TENM3: variants seen among roughly 807,000 people sequenced by gnomAD.
TENM3 encodes the protein teneurin-3.
TENM3 carries 63 observed loss-of-function variants against 255.1 expected under a neutral mutation model. The observed-to-expected ratio is 0.25, with a 90% CI of 0.20 to 0.30. The LOEUF (loss-of-function observed/expected upper bound fraction) is 0.30. TENM3 is among the 10% of genes least tolerant of loss of function. TENM3 has a pLI of 1.00. For synonymous variants in TENM3, 1,306 were observed against 1,322.3 expected, an observed-to-expected ratio of 0.99 and a Z score of 0.27; for missense variants, 2,929 against 3,461.1, an observed-to-expected ratio of 0.85 and a Z score of 3.86.
At chr4:181,588,621 TA>T in the TENM3 span, among the ~76,000 whole-genome samples, 858 of 152,280 alleles carry the variant, frequency 5.6e-3, 11 homozygotes, top group African/African-American at 0.02. Context: ...CTTTGAGAAA[TA>T]ACTATGGGAT....
chr4:182,222,893 G>T (rs768688828), intron 1 of TENM3, among the ~76,000 whole-genome samples: 1 of 152,144 alleles, frequency 6.6e-6, no homozygotes, highest in Non-Finnish European at 1.5e-5. Context: ...GTCCTATCCC[G>T]TTGTAAGACA....
At chr4:181,611,574 G>C in the TENM3 span, among the ~76,000 whole-genome samples, 1,435 of 152,020 alleles carry the variant, frequency 9.4e-3, 7 homozygotes, top group Non-Finnish European at 0.014. Context: ...ACACGATACG[G>C]AGTCTGTTTG....
chr4:181,989,707 T>C, the TENM3 span, among the ~76,000 whole-genome samples: 1 of 152,188 alleles, frequency 6.6e-6, no homozygotes, highest in Non-Finnish European at 1.5e-5. Context: ...ACTGTTCTGA[T>C]CATTAGTGAT....
intron 1 of TENM3, among the ~76,000 whole-genome samples, chr4:182,281,028 C>T (rs533487399): frequency 7.2e-5 from 11 of 152,242 alleles, no homozygotes; most frequent in African/African-American, 1.9e-4. Flanking sequence ...GCTCATCTGT[C>T]GGGTAATTTC....
intron 10 of TENM3, among the ~76,000 whole-genome samples, chr4:182,681,539 A>G (rs1756177323): frequency 6.6e-6 from 1 of 152,200 alleles, no homozygotes; most frequent in South Asian, 2.1e-4. Flanking sequence ...CAGAACAGAG[A>G]GCAATAGTCT....
chr4:182,290,614 T>C (rs1761056890), intron 1 of TENM3, among the ~76,000 whole-genome samples: 1 of 150,432 alleles, frequency 6.6e-6, no homozygotes, highest in Non-Finnish European at 1.5e-5. Flanking sequence ...GACATCCTCC[T>C]GCCTCAGCCT....
the TENM3 span, among the ~76,000 whole-genome samples, chr4:181,857,372 G>A: frequency 6.6e-6 from 1 of 151,676 alleles, no homozygotes; most frequent in African/African-American, 2.4e-5. Flanking sequence ...GTGGACCAGG[G>A]GAGGGGTGGA....
chr4:181,807,785 C>T, the TENM3 span, among the ~76,000 whole-genome samples: 1 of 152,200 alleles, frequency 6.6e-6, no homozygotes, highest in Non-Finnish European at 1.5e-5. Flanking sequence ...GTTAAAGTTA[C>T]ATGATGTGAA....
the TENM3 span, among the ~76,000 whole-genome samples, chr4:181,898,760 A>T: frequency 2.0e-5 from 3 of 152,086 alleles, no homozygotes; most frequent in African/African-American, 7.2e-5. Context: ...TGTGTGTGTG[A>T]TTCCAAGGGC....
At chr4:182,083,370 C>T in the TENM3 span, among the ~76,000 whole-genome samples, 5 of 152,136 alleles carry the variant, frequency 3.3e-5, no homozygotes, top group Admixed American at 1.3e-4. Context: ...GCTGGTTACT[C>T]TCTTATATCT....
chr4:182,733,975 GTTCA>G (rs147669308), intron 16 of TENM3, among the ~76,000 whole-genome samples: 4 of 151,996 alleles, frequency 2.6e-5, no homozygotes, highest in Admixed American at 2.0e-4. Flanking sequence ...TTCTCCATTC[GTTCA>G]TTCATTCATT....
chr4:182,636,113 G>A (rs1245209376), intron 5 of TENM3, among the ~76,000 whole-genome samples: 1 of 152,164 alleles, frequency 6.6e-6, no homozygotes, highest in African/African-American at 2.4e-5. Flanking sequence ...TTCACTCTGA[G>A]TTGCATTATA....
the TENM3 span, among the ~76,000 whole-genome samples, chr4:181,979,498 T>A: frequency 6.6e-6 from 1 of 152,048 alleles, no homozygotes; most frequent in African/African-American, 2.4e-5. Flanking sequence ...GTAAGGTATA[T>A]ATAAAGTGAA....
At chr4:181,941,565 C>T in the TENM3 span, among the ~76,000 whole-genome samples, 27 of 152,220 alleles carry the variant, frequency 1.8e-4, no homozygotes, top group East Asian at 3.9e-3. Flanking sequence ...TTTGTTTTAT[C>T]GCTTTAGTTA....
At chr4:182,485,586 A>G (rs554221927) in intron 3 of TENM3, among the ~76,000 whole-genome samples, 4 of 152,246 alleles carry the variant, frequency 2.6e-5, no homozygotes, top group Admixed American at 2.6e-4. Context: ...ATTTTTCAAT[A>G]TTTGATACTT....
chr4:181,889,819 G>A, the TENM3 span, among the ~76,000 whole-genome samples: 1 of 152,122 alleles, frequency 6.6e-6, no homozygotes, highest in Non-Finnish European at 1.5e-5. Flanking sequence ...CTATACTCCA[G>A]TATAAAATAA....
the TENM3 span, among the ~76,000 whole-genome samples, chr4:181,867,750 A>G: frequency 6.6e-6 from 1 of 152,168 alleles, no homozygotes; most frequent in African/African-American, 2.4e-5. Context: ...CTGTTTTTCC[A>G]GGCTTGTACC....
chr4:181,817,151 C>A, the TENM3 span, among the ~76,000 whole-genome samples: 1 of 152,132 alleles, frequency 6.6e-6, no homozygotes, highest in Non-Finnish European at 1.5e-5. Context: ...TGTAGATATT[C>A]AGTAGTTATA....
intron 3 of TENM3, among the ~76,000 whole-genome samples, chr4:182,596,004 G>A (rs1169370224): frequency 6.6e-6 from 1 of 151,806 alleles, no homozygotes; most frequent in African/African-American, 2.4e-5. Context: ...CAGTCTTTGG[G>A]GTGAGTGGCA....
Sources: allele counts gnomAD v4.1 joint callset (sites outside exome capture counted in the v4.1 genomes callset), GRCh38; gene constraint gnomAD v4.1.1; transcripts MANE v1.5; gene names NCBI Gene and HGNC (gene_info 2026-07-23, HGNC 2026-07-21).